NAALADL2: variants seen among roughly 807,000 people sequenced by gnomAD.
NAALADL2 encodes the protein N-acetylated alpha-linked acidic dipeptidase like 2, also known as inactive N-acetylated-alpha-linked acidic dipeptidase-like protein 2.
NAALADL2 carries 76 observed loss-of-function variants against 87.2 expected under a neutral mutation model. The observed-to-expected ratio is 0.87, with a 90% CI of 0.72 to 1.05. The LOEUF is 1.05. NAALADL2 is among the 50% of genes least tolerant of loss of function. NAALADL2 has a pLI of 0.00. For missense variants in NAALADL2, 1,089 were observed against 945.8 expected, an observed-to-expected ratio of 1.15 and a Z score of -1.99; for synonymous variants, 354 against 331.0, an observed-to-expected ratio of 1.07 and a Z score of -0.75.
chr3:174,505,961 T>C (rs992730828), intron 1 of NAALADL2, among the ~76,000 whole-genome samples: 1 of 152,116 alleles, frequency 6.6e-6, no homozygotes, highest in Non-Finnish European at 1.5e-5. Flanking sequence ...GGTCTTTTAG[T>C]GTATACTTTC....
At chr3:175,385,237 A>AACCTAT (rs1340804554) in intron 5 of NAALADL2, among the ~76,000 whole-genome samples, 1 of 152,054 alleles carries the variant, frequency 6.6e-6, no homozygotes, top group East Asian at 1.9e-4. Flanking sequence ...AAAATGATAA[A>AACCTAT]ACCTATTTTC....
At chr3:175,737,731 T>G (rs1035372982) in intron 12 of NAALADL2, among the ~76,000 whole-genome samples, 2 of 143,214 alleles carry the variant, frequency 1.4e-5, no homozygotes, top group African/African-American at 2.6e-5. Flanking sequence ...TTTTTTTTTT[T>G]TTTTTTTTTT....
intron 5 of NAALADL2, among the ~76,000 whole-genome samples, chr3:175,394,461 A>G (rs999989280): frequency 2.0e-5 from 3 of 152,230 alleles, no homozygotes; most frequent in Non-Finnish European, 4.4e-5. Flanking sequence ...AATATCACAT[A>G]TGCCTCATGA....
At chr3:174,482,665 C>T (rs542499105) in intron 1 of NAALADL2, among the ~76,000 whole-genome samples, 1 of 151,988 alleles carries the variant, frequency 6.6e-6, no homozygotes, top group Non-Finnish European at 1.5e-5. Flanking sequence ...CATTTCACCA[C>T]TCTCCCCTCC....
intron 11 of NAALADL2, among the ~76,000 whole-genome samples, chr3:175,634,209 T>A (rs1030088315): frequency 1.3e-5 from 2 of 151,966 alleles, no homozygotes; most frequent in African/African-American, 4.8e-5. Context: ...TTAATTCCAT[T>A]TGGCTGTCAA....
chr3:174,698,969 A>G (rs1488067441), intron 2 of NAALADL2, among the ~76,000 whole-genome samples: 1 of 146,086 alleles, frequency 6.8e-6, no homozygotes, highest in Non-Finnish European at 1.5e-5. Flanking sequence ...GTGTGCGTGT[A>G]TATATATATA....
At chr3:174,707,588 T>C (rs1221402581) in intron 2 of NAALADL2, among the ~76,000 whole-genome samples, 2 of 138,126 alleles carry the variant, frequency 1.4e-5, no homozygotes, top group African/African-American at 5.5e-5. Flanking sequence ...TAGGTGGGAA[T>C]TGAACAATGA....
chr3:175,101,930 A>G (rs1722278446), intron 2 of NAALADL2, among the ~76,000 whole-genome samples: 1 of 141,612 alleles, frequency 7.1e-6, no homozygotes, highest in African/African-American at 3.0e-5. Flanking sequence ...TATAAAGAAT[A>G]AAGTAAAAAC....
intron 3 of NAALADL2, among the ~76,000 whole-genome samples, chr3:174,804,279 T>A (rs113374139): frequency 0.13 from 19,615 of 151,936 alleles, 1,458 homozygotes; most frequent in Non-Finnish European, 0.15. Flanking sequence ...TTGTCTATTG[T>A]TGTATAGGAA....
At chr3:175,697,199 G>C (rs760850814) in intron 11 of NAALADL2, among the ~76,000 whole-genome samples, 63 of 151,994 alleles carry the variant, frequency 4.1e-4, no homozygotes, top group Non-Finnish European at 8.4e-4. Context: ...TAGAGGTAGC[G>C]TATAACTTTG....
intron 13 of NAALADL2, among the ~76,000 whole-genome samples, chr3:175,800,820 T>C (rs1048261106): frequency 6.6e-6 from 1 of 152,176 alleles, no homozygotes; most frequent in Non-Finnish European, 1.5e-5. Flanking sequence ...TTCTTCACTC[T>C]GAAGTGTAAA....
intron 2 of NAALADL2, among the ~76,000 whole-genome samples, chr3:175,119,327 A>T (rs1313843412): frequency 4.0e-5 from 6 of 151,774 alleles, no homozygotes; most frequent in Admixed American, 6.6e-5. Flanking sequence ...TTACAGAAGG[A>T]TAATAAAAAT....
chr3:175,074,956 A>G (rs892464280), intron 1 of NAALADL2, among the ~76,000 whole-genome samples: 3 of 152,126 alleles, frequency 2.0e-5, no homozygotes, highest in African/African-American at 7.2e-5. Flanking sequence ...GAAGAAGACA[A>G]AAGTATTTAT....
intron 5 of NAALADL2, among the ~76,000 whole-genome samples, chr3:175,396,232 T>G (rs549920691): frequency 6.6e-6 from 1 of 152,136 alleles, no homozygotes; most frequent in African/African-American, 2.4e-5. Flanking sequence ...TTGTAAGTCA[T>G]GAGCTTCATA....
intron 1 of NAALADL2, among the ~76,000 whole-genome samples, chr3:174,891,870 C>T (rs1414088322): frequency 6.6e-6 from 1 of 152,012 alleles, no homozygotes; most frequent in Non-Finnish European, 1.5e-5. Flanking sequence ...CCAGACAGCA[C>T]AGCTCAAAGC....
At chr3:174,902,727 A>G (rs992503912) in intron 1 of NAALADL2, among the ~76,000 whole-genome samples, 2 of 152,040 alleles carry the variant, frequency 1.3e-5, no homozygotes, top group Admixed American at 1.3e-4. Context: ...ACTGTGGTCA[A>G]CTCCAAGGTT....
chr3:174,729,981 A>G lies in NAALADL2; in HGVS notation c.-114-7660A>G, dbSNP rs566989361. ...CTCTTGTCTAATTTTAAATGACTCA[A>G]TTGAAGCATCTGCTGGAGGTTGATT... On this transcript the variant is annotated intron_variant, in intron 2 of 3. Transcript: ENST00000434257. 1.4e-3 allele frequency among the ~76,000 whole-genome samples: 208 copies of G among 152,194 alleles called. 1 individual carries two copies. Among genetic ancestry groups the G allele is most frequent in the African/African-American group, 4.8e-3 (200 of 41,558 alleles).
At chr3:175,378,073 G>T (rs1231828694) in intron 5 of NAALADL2, among the ~76,000 whole-genome samples, 1 of 152,216 alleles carries the variant, frequency 6.6e-6, no homozygotes, top group Non-Finnish European at 1.5e-5. Flanking sequence ...GCCGTCCACA[G>T]ATGGCAGAGC....
chr3:174,716,862 G>A (rs143758105), intron 2 of NAALADL2, among the ~76,000 whole-genome samples: 121 of 152,158 alleles, frequency 8.0e-4, no homozygotes, highest in African/African-American at 2.7e-3. Context: ...GTTATTGAAA[G>A]CCTAGCTCCA....
Sources: allele counts gnomAD v4.1 joint callset (sites outside exome capture counted in the v4.1 genomes callset), GRCh38; gene constraint gnomAD v4.1.1; transcripts MANE v1.5; gene names NCBI Gene and HGNC (gene_info 2026-07-23, HGNC 2026-07-21).